Variants in KCNH6 observed in about 807,000 individuals in gnomAD.
KCNH6 encodes the protein potassium voltage-gated channel subfamily H member 6.
In KCNH6, 81 loss-of-function variants were observed where a neutral mutation model predicts 83.4. The observed-to-expected ratio is 0.97, with a 90% CI of 0.81 to 1.17. The LOEUF is 1.17. KCNH6 is among the 50% of genes most tolerant of loss of function. The probability of loss-of-function intolerance (pLI) is 0.00; values close to 1 mark genes in which losing one functional copy is unlikely to be tolerated. For synonymous variants in KCNH6, 503 were observed against 545.6 expected, an observed-to-expected ratio of 0.92 and a Z score of 1.09; for missense variants, 1,203 against 1,290.5, an observed-to-expected ratio of 0.93 and a Z score of 1.04.
intron 8 of KCNH6, among the ~76,000 whole-genome samples, chr17:63,539,632 C>T (rs1227454732): frequency 1.3e-5 from 2 of 152,364 alleles, no homozygotes; most frequent in Non-Finnish European, 2.9e-5. Context: ...GCCCACGCCA[C>T]AGTCTGCCAA....
chr17:63,529,847 C>T (rs2031964261), intron 2 of KCNH6, among the ~76,000 whole-genome samples: 1 of 152,224 alleles, frequency 6.6e-6, no homozygotes, highest in Non-Finnish European at 1.5e-5. Flanking sequence ...GGACTTGGGC[C>T]TGATCTGATG....
At chr17:63,537,829 G>T (rs1231877331) in intron 6 of KCNH6, among the ~76,000 whole-genome samples, 1 of 152,228 alleles carries the variant, frequency 6.6e-6, no homozygotes, top group Non-Finnish European at 1.5e-5. Context: ...CTTCTCGGGA[G>T]TTTGACCGCT....
chr17:63,527,241 T>C (rs1469777183), intron 2 of KCNH6, among the ~76,000 whole-genome samples: 4 of 152,202 alleles, frequency 2.6e-5, no homozygotes, highest in African/African-American at 9.7e-5. Context: ...CCTCCTCCCA[T>C]GTTTACCATA....
chr17:63,536,650 G>GA (rs140623480), intron 6 of KCNH6, among the ~76,000 whole-genome samples: 31,415 of 148,366 alleles, frequency 0.21, 3,515 homozygotes, highest in Middle Eastern at 0.32. Flanking sequence ...TCTCAAAAAA[G>GA]AAAAAAAAAT....
intron 12 of KCNH6, 116 bp downstream of exon 12, chr17:63,545,380 AG>A: frequency 8.7e-7 from 1 of 1,152,482 alleles, no homozygotes; most frequent in African/African-American, 1.5e-5. Context: ...CAGAGCAGCC[AG>A]GGCTTCTGCT....
intron 8 of KCNH6, among the ~76,000 whole-genome samples, chr17:63,541,355 C>G (rs1366628500): frequency 7.3e-6 from 1 of 137,156 alleles, no homozygotes; most frequent in African/African-American, 2.7e-5. Context: ...GTGGTGTGAT[C>G]TCAGCTCCCT....
intron 9 of KCNH6, among the ~76,000 whole-genome samples, chr17:63,543,355 G>A (rs1004133178): frequency 6.6e-6 from 1 of 152,072 alleles, no homozygotes; most frequent in African/African-American, 2.4e-5. Context: ...CCAGCCATCA[G>A]GTGGCCAGAA....
intron 12 of KCNH6, 107 bp from the exon 13 acceptor site, chr17:63,545,502 G>T: frequency 8.3e-7 from 1 of 1,205,734 alleles, no homozygotes; most frequent in Non-Finnish European, 1.2e-6. Context: ...AGGACCCTGA[G>T]GTGTGGGAAG....
intron 8 of KCNH6, among the ~76,000 whole-genome samples, chr17:63,540,908 C>T (rs928599864): frequency 6.6e-6 from 1 of 152,192 alleles, no homozygotes; most frequent in Non-Finnish European, 1.5e-5. Flanking sequence ...CTGCCTTTCT[C>T]ATGGGGGCTG....
intron 12 of KCNH6, 79 bp downstream of exon 12, chr17:63,545,343 G>A: frequency 1.4e-6 from 2 of 1,430,322 alleles, no homozygotes; most frequent in Non-Finnish European, 1.9e-6. Context: ...TCACAGTGCA[G>A]CATCAGGCCC....
Position 63,534,504 on chromosome 17 carries a change from C to A in KCNH6, c.1101+193C>A, listed in dbSNP as rs1219886758. ...TGGAGAAGGACCTGCCAAGGCTGCA[C>A]CCCCAGGCCTCTGTCCCTCTGCCCC... On this transcript the variant is annotated intron_variant, in intron 5 of 12. Coordinates refer to ENST00000314672, the MANE Select transcript of KCNH6 (RefSeq NM_001278919.2). The surrounding 1 kb of genome is among the most constrained non-coding windows in gnomAD (Gnocchi z 5.0). Among the ~76,000 whole-genome samples, 1 of 152,128 alleles carries A rather than the reference C, an allele frequency of 6.6e-6. No individual in the cohort carries two copies. Among genetic ancestry groups the A allele is most frequent in the African/African-American group, 2.4e-5 (1 of 41,416 alleles).
At position 63,533,842 on chromosome 17, in the gene KCNH6, C is replaced by T; in HGVS notation, c.676-44C>T. On this transcript the variant is annotated intron_variant, in intron 4 of 12. Transcript: ENST00000314672. This position sits in a 1 kb window ranked among gnomAD's most constrained non-coding sequence, Gnocchi z 4.1. The stretch of plus-strand genomic sequence containing the variant: ...CAGCCCTCTAGGCCAGTCTCACCAG[C>T]AGTGGCTGCCCCGTGCCTGACCTCC... The T allele has an allele frequency of 1.3e-6, 2 of 1,569,978 alleles. No homozygotes were observed. The highest frequency in any genetic ancestry group is 1.3e-5 in the African/African-American group (1 of 74,560).
At position 63,523,532 on chromosome 17, in the gene KCNH6, T is replaced by C. The variant is rs761520562; in HGVS notation, c.76+43T>C. On this transcript the variant is annotated intron_variant, in intron 1 of 12. Transcript: ENST00000314672. This position sits in a 1 kb window ranked among gnomAD's most constrained non-coding sequence, Gnocchi z 4.2. ...GGGGCGGGGGGACGATCTGGAGTCC[T>C]GGTTCCGTGAAAGGGGGGGCTGGAC... is the stretch of plus-strand genomic sequence containing the variant. 1 of 1,488,064 alleles carries C rather than the reference T, an allele frequency of 6.7e-7. No homozygotes were observed. Among genetic ancestry groups the C allele is most frequent in the Non-Finnish European group, 9.2e-7 (1 of 1,081,366 alleles). The allele number at this position is 1,488,064 out of a possible 1,614,324, so 92.2% of individuals were successfully genotyped here. A position where few individuals can be genotyped will look rare whatever the true frequency, so the allele number is the denominator to read the frequency against.
At position 63,545,218 on chromosome 17, in the gene KCNH6, C is replaced by T. The variant is rs199694023; in HGVS notation, c.2537C>T (p.Thr846Met). 90 of 1,613,616 alleles carry T rather than the reference C, an allele frequency of 5.6e-5. No individual in the cohort carries two copies. Among genetic ancestry groups the T allele is most frequent in the Admixed American group, 8.3e-5 (5 of 60,002 alleles). ...TTGGTTCCTATAGCCTCGGAGACGA[C>T]GAGTCCAGGGCCCAGGCTGCCCCAG... ...LALVPIASETTSPGPRLPQGF... is the reference protein window; with the variant it reads ...LALVPIASETMSPGPRLPQGF... The change falls in exon 12 of 13, where the codon ACG becomes ATG. Residue 846 changes from threonine to methionine, a missense_variant. Transcript: ENST00000314672.
At position 63,524,197 on chromosome 17, in the gene KCNH6, C is replaced by A. The variant is rs146715979; in HGVS notation, c.135C>A (p.Asn45Lys). 2.5e-6 allele frequency: 4 copies of A among 1,614,214 alleles called. No homozygotes were observed. The East Asian group carries it at 8.9e-5, about 36-fold the overall frequency. Residue 45 changes from asparagine to lysine, a missense_variant, in exon 2 of 13, where the codon AAC (asparagine) becomes AAA (lysine). Physicochemically the swap from Asn to Lys is moderately conservative, Grantham distance 94. Transcript: ENST00000314672. ...AGAACTGCGCCATCATTTACTGCAA[C>A]GACGGCTTCTGCGAACTCTTCGGCT... ...QMENCAIIYC[N>K]DGFCELFGYS...
chr17:63,532,087 C>T (rs982935482), intron 4 of KCNH6, among the ~76,000 whole-genome samples: 1 of 152,218 alleles, frequency 6.6e-6, no homozygotes, highest in Non-Finnish European at 1.5e-5. Context: ...CCACGAAGAG[C>T]CTCGAGCTGG....
intron 8 of KCNH6, among the ~76,000 whole-genome samples, chr17:63,541,714 G>C (rs1286414775): frequency 1.3e-5 from 2 of 152,208 alleles, no homozygotes; most frequent in African/African-American, 4.8e-5. Flanking sequence ...CTGGGGTCTA[G>C]ACAGGGGGAG....
At position 63,545,169 on chromosome 17, in the gene KCNH6, G is replaced by A. The variant is rs776091216; in HGVS notation, c.2488G>A (p.Ala830Thr). Reference sequence around the variant, plus strand: ...GGGCCACGCCAGCTACATTCTGGAAGCCCCTGCCTCCAATGACCTGGCCTT... The same window carrying A: ...GGGCCACGCCAGCTACATTCTGGAAACCCCTGCCTCCAATGACCTGGCCTT... ...PQGHASYILE[A>T]PASNDLALVP... The change falls in exon 12 of 13, where the codon GCC becomes ACC. Residue 830 changes from alanine (A) to threonine (T), a missense_variant. Physicochemically the swap from Ala to Thr is moderately conservative, Grantham distance 58 (BLOSUM62 0). Coordinates refer to ENST00000314672, the MANE Select transcript of KCNH6 (RefSeq NM_001278919.2). 3 of 1,613,708 alleles carry A rather than the reference G, an allele frequency of 1.9e-6. No individual in the cohort carries two copies. Among genetic ancestry groups the A allele is most frequent in the Non-Finnish European group, 8.5e-7 (1 of 1,180,036 alleles).
chr17:63,544,417 T>C lies in KCNH6; in HGVS notation c.2396+6T>C, dbSNP rs1348244567. ...CTCCAGGCCCAGATGAACAGGTGTG[T>C]GTGCTGTGGTCAGGGCTGGGGGCTG... On this transcript the variant is annotated splice_donor_region_variant and intron_variant, in intron 11 of 12. Coordinates refer to ENST00000314672, the MANE Select transcript of KCNH6 (RefSeq NM_001278919.2). 2.3e-5 allele frequency: 35 copies of C among 1,551,612 alleles called. No individual in the cohort carries two copies. Among genetic ancestry groups the C allele is most frequent in the Non-Finnish European group, 3.0e-5 (34 of 1,150,756 alleles).
Sources: allele counts gnomAD v4.1 joint callset (sites outside exome capture counted in the v4.1 genomes callset), GRCh38; gene constraint gnomAD v4.1.1; non-coding constraint Gnocchi (gnomAD v3.1); transcripts MANE v1.5; gene names NCBI Gene and HGNC (gene_info 2026-07-23, HGNC 2026-07-21).